The following DSCAM variants were observed in gnomAD, a reference collection of about 807,000 sequenced individuals.
DSCAM encodes DS cell adhesion molecule.
Under a neutral mutation model 217.7 loss-of-function variants are expected in DSCAM, and 47 were observed. The observed-to-expected ratio is 0.22, with a 90% CI of 0.17 to 0.28. The LOEUF (loss-of-function observed/expected upper bound fraction) is 0.28. Among genes scored for constraint, DSCAM ranks in the 10% least tolerant of loss-of-function variants. The pLI, the probability that DSCAM is intolerant of heterozygous loss-of-function variation, is 1.00. For missense variants in DSCAM, 2,080 were observed against 2,618.3 expected, an observed-to-expected ratio of 0.79 and a Z score of 4.49; for synonymous variants, 1,056 against 1,015.3, an observed-to-expected ratio of 1.04 and a Z score of -0.76.
At chr21:40,078,380 T>G (rs149675666) in intron 26 of DSCAM, among the ~76,000 whole-genome samples, 58 of 152,172 alleles carry the variant, frequency 3.8e-4, no homozygotes, top group Non-Finnish European at 4.9e-4. Flanking sequence ...CTCATAGACA[T>G]CAACACAAGC....
intron 11 of DSCAM, among the ~76,000 whole-genome samples, chr21:40,270,440 G>C (rs1173679486): frequency 1.3e-5 from 2 of 152,228 alleles, no homozygotes; most frequent in Admixed American, 6.5e-5. Context: ...TGTTGGGGGA[G>C]GACTGCTGGG....
intron 5 of DSCAM, among the ~76,000 whole-genome samples, chr21:40,351,978 G>C (rs923000393): frequency 9.2e-5 from 14 of 152,152 alleles, no homozygotes; most frequent in African/African-American, 1.4e-4. Context: ...GAATAGGTTT[G>C]TGCAGGGATT....
intron 1 of DSCAM, among the ~76,000 whole-genome samples, chr21:40,730,178 G>T: frequency 6.6e-6 from 1 of 152,124 alleles, no homozygotes; most frequent in East Asian, 1.9e-4. Flanking sequence ...GGCGCAGGAG[G>T]TCATAAAATA....
chr21:40,256,432 G>C (rs1001666369), intron 11 of DSCAM, among the ~76,000 whole-genome samples: 7 of 150,736 alleles, frequency 4.6e-5, no homozygotes. Flanking sequence ...GACAGAGAGA[G>C]AGAGAGACAC....
At chr21:40,577,455 C>T (rs548844672) in intron 3 of DSCAM, among the ~76,000 whole-genome samples, 3 of 115,878 alleles carry the variant, frequency 2.6e-5, no homozygotes, top group Middle Eastern at 4.4e-3. Context: ...CCTCAGGTGG[C>T]GCCCCCCTCC....
At chr21:40,691,334 A>T (rs1447742687) in intron 3 of DSCAM, among the ~76,000 whole-genome samples, 1 of 152,210 alleles carries the variant, frequency 6.6e-6, no homozygotes, top group Non-Finnish European at 1.5e-5. Context: ...TGACAGGGTT[A>T]AAAGATGGTG....
intron 29 of DSCAM, 69 bp from the exon 30 acceptor site, chr21:40,052,176 C>A (rs936971086): frequency 1.9e-5 from 29 of 1,553,596 alleles, no homozygotes; most frequent in Non-Finnish European, 2.5e-5. Context: ...CTGGCCTTTT[C>A]TCTCCTGAGG....
At chr21:40,528,533 G>C (rs548092455) in intron 3 of DSCAM, among the ~76,000 whole-genome samples, 2 of 152,220 alleles carry the variant, frequency 1.3e-5, no homozygotes, top group African/African-American at 2.4e-5. Context: ...GCTCTTCCTT[G>C]AGCCAAGAAT....
intron 3 of DSCAM, among the ~76,000 whole-genome samples, chr21:40,584,833 C>T (rs1041358357): frequency 8.5e-5 from 13 of 152,214 alleles, no homozygotes; most frequent in South Asian, 2.1e-4. Context: ...TGTCTGTCCT[C>T]TCCAAATCTC....
intron 3 of DSCAM, among the ~76,000 whole-genome samples, chr21:40,441,280 AC>A (rs1175589243): frequency 6.6e-6 from 1 of 151,894 alleles, no homozygotes; most frequent in African/African-American, 2.4e-5. Context: ...CCTGAAATTC[AC>A]CCCTCAACCC....
intron 3 of DSCAM, among the ~76,000 whole-genome samples, chr21:40,666,961 T>C (rs1485669530): frequency 6.6e-6 from 1 of 152,190 alleles, no homozygotes; most frequent in Admixed American, 6.5e-5. Context: ...AAAAAAGGCA[T>C]TGCACAGCCT....
chr21:40,689,581 T>G (rs2090517792), intron 3 of DSCAM, among the ~76,000 whole-genome samples: 1 of 152,248 alleles, frequency 6.6e-6, no homozygotes, highest in South Asian at 2.1e-4. Context: ...CTTATTTCCA[T>G]GGCTGATTTA....
chr21:40,221,532 G>C (rs1203612570), intron 11 of DSCAM, among the ~76,000 whole-genome samples: 2 of 150,614 alleles, frequency 1.3e-5, no homozygotes, highest in African/African-American at 4.9e-5. Context: ...AGATTGTTTT[G>C]TATCAACTGA....
intron 1 of DSCAM, among the ~76,000 whole-genome samples, chr21:40,734,510 C>A (rs900667649): frequency 2.6e-5 from 4 of 152,226 alleles, no homozygotes; most frequent in Non-Finnish European, 5.9e-5. Flanking sequence ...TCAAGCCATG[C>A]ATACACAAAG....
chr21:40,663,163 T>G, intron 3 of DSCAM, among the ~76,000 whole-genome samples: 1 of 148,990 alleles, frequency 6.7e-6, no homozygotes, highest in Non-Finnish European at 1.5e-5. Flanking sequence ...AGTGTATGTA[T>G]GTCAGTGTGT....
chr21:40,285,401 GA>G (rs1224590157), intron 10 of DSCAM, among the ~76,000 whole-genome samples: 3 of 152,290 alleles, frequency 2.0e-5, no homozygotes, highest in Non-Finnish European at 1.5e-5. Flanking sequence ...AAGAAAGGAA[GA>G]GCAAGATGGG....
chr21:40,340,244 C>T (rs906186979), intron 6 of DSCAM, among the ~76,000 whole-genome samples: 3 of 152,032 alleles, frequency 2.0e-5, no homozygotes, highest in African/African-American at 4.8e-5. Context: ...CAGGCATGAC[C>T]CAGAACTATC....
chr21:40,454,856 AG>A (rs1055855289), intron 3 of DSCAM, among the ~76,000 whole-genome samples: 8 of 152,160 alleles, frequency 5.3e-5, no homozygotes, highest in Non-Finnish European at 1.0e-4. Flanking sequence ...ATAGTAGGAG[AG>A]GCAGGGCCAG....
At chr21:40,194,590 G>A (rs2090987688) in intron 11 of DSCAM, among the ~76,000 whole-genome samples, 1 of 152,200 alleles carries the variant, frequency 6.6e-6, no homozygotes, top group South Asian at 2.1e-4. Flanking sequence ...ATTACCCATT[G>A]AGGAAGGTGC....
Sources: allele counts gnomAD v4.1 joint callset (sites outside exome capture counted in the v4.1 genomes callset), GRCh38; gene constraint gnomAD v4.1.1; transcripts MANE v1.5; gene names NCBI Gene and HGNC (gene_info 2026-07-23, HGNC 2026-07-21).